Variants in DTD1 observed in about 807,000 individuals in gnomAD.
DTD1 encodes D-tyrosyl-tRNA deacylase 1 homolog.
A neutral mutation model predicts 25.6 loss-of-function variants in DTD1; 13 were observed. That is an observed-to-expected ratio of 0.51 (90% confidence interval 0.33 to 0.81). DTD1 has a LOEUF of 0.81. Ranked by LOEUF, DTD1 falls within the 30% of genes least tolerant of loss-of-function variation. The pLI is 0.02. For missense variants in DTD1, 193 were observed against 266.4 expected, an observed-to-expected ratio of 0.72 and a Z score of 1.92; for synonymous variants, 110 against 103.6, an observed-to-expected ratio of 1.06 and a Z score of -0.37.
rs146632444 is a variant in DTD1 at position 18,765,015 on chromosome 20, T to C, written c.*1675T>C. 9.2e-5 allele frequency: 14 copies of C among 152,322 alleles called. No individual in the cohort carries two copies. Among genetic ancestry groups the C allele is most frequent in the African/African-American group, 2.2e-4 (9 of 41,584 alleles). 9.4% of individuals were successfully genotyped at this position (152,322 alleles called of 1,614,324 possible). On this transcript the variant is annotated 3_prime_UTR_variant, in exon 6 of 6. Transcript: ENST00000377452. ...GTAGTAAGGGGTAACGAGGATTGCA[T>C]AGAGATACGACCTAAGGATCATGAC...
chr20:18,698,385 T>C (rs1280511766), intron 4 of DTD1: 1 of 152,240 alleles, frequency 6.6e-6, no homozygotes, highest in African/African-American at 2.4e-5. Flanking sequence ...CTCAGTGTTA[T>C]TTCATCTATA....
intron 4 of DTD1, among the ~76,000 whole-genome samples, chr20:18,729,585 G>A (rs2061233551): frequency 6.6e-6 from 1 of 152,210 alleles, no homozygotes; most frequent in Non-Finnish European, 1.5e-5. Flanking sequence ...ATTTTGTGGG[G>A]AAGCAAGTCA....
At chr20:18,613,788 T>A (rs2060697943) in intron 3 of DTD1, among the ~76,000 whole-genome samples, 1 of 152,202 alleles carries the variant, frequency 6.6e-6, no homozygotes, top group Non-Finnish European at 1.5e-5. Flanking sequence ...TGATTTTGTC[T>A]GAGCTGTGTT....
At chr20:18,747,893 C>T (rs1354939830) in intron 5 of DTD1, among the ~76,000 whole-genome samples, 2 of 151,934 alleles carry the variant, frequency 1.3e-5, no homozygotes, top group African/African-American at 2.4e-5. Context: ...GTGATGCGCA[C>T]CTGTAGTCTC....
At chr20:18,599,896 A>C (rs750912468) in intron 3 of DTD1, among the ~76,000 whole-genome samples, 5 of 152,180 alleles carry the variant, frequency 3.3e-5, no homozygotes, top group Non-Finnish European at 7.4e-5. Flanking sequence ...AGTTCTTTTT[A>C]TATTTTGGAT....
intron 4 of DTD1, among the ~76,000 whole-genome samples, chr20:18,679,557 A>C (rs977546614): frequency 2.6e-5 from 4 of 152,206 alleles, no homozygotes; most frequent in African/African-American, 9.6e-5. Flanking sequence ...CAGGGGGAAG[A>C]ATAAACTGCT....
intron 3 of DTD1, among the ~76,000 whole-genome samples, chr20:18,618,853 C>T (rs895917842): frequency 6.6e-6 from 1 of 151,956 alleles, no homozygotes; most frequent in Non-Finnish European, 1.5e-5. Flanking sequence ...GCTGGGATTA[C>T]AGGCACCTGC....
chr20:18,758,877 G>T (rs2061349821), intron 5 of DTD1, among the ~76,000 whole-genome samples: 3 of 151,996 alleles, frequency 2.0e-5, no homozygotes, highest in Admixed American at 2.0e-4. Context: ...GGGTGTTAAA[G>T]TCTCCCATTA....
chr20:18,649,499 T>A (rs1160981369), intron 4 of DTD1, among the ~76,000 whole-genome samples: 1 of 151,790 alleles, frequency 6.6e-6, no homozygotes, highest in African/African-American at 2.4e-5. Flanking sequence ...CCACCAAGCC[T>A]GGCTAAGTTT....
intron 4 of DTD1, among the ~76,000 whole-genome samples, chr20:18,704,937 TTCCA>T (rs1441441932): frequency 3.3e-5 from 5 of 152,206 alleles, no homozygotes; most frequent in Non-Finnish European, 7.3e-5. Flanking sequence ...CTAAATAAGC[TTCCA>T]TCTCAGAGCA....
intron 3 of DTD1, among the ~76,000 whole-genome samples, chr20:18,615,812 A>T (rs2060706806): frequency 6.6e-6 from 1 of 152,190 alleles, no homozygotes; most frequent in Non-Finnish European, 1.5e-5. Context: ...GCAGCAGTTT[A>T]TGACCGCTTC....
chr20:18,628,229 A>G lies in DTD1; in HGVS notation c.473A>G (p.Lys158Arg). 1 of 1,612,984 alleles carries G rather than the reference A, an allele frequency of 6.2e-7. No homozygotes were observed. Among genetic ancestry groups the G allele is most frequent in the African/African-American group, 1.3e-5 (1 of 75,038 alleles). ...PAPGTATSDP[K>R]QLSKLEKQQQ... ...CCCGGCACTGCTACCTCTGACCCAA[A>G]GCAGGTAAGCCTGGAGTCTGGTGCC... The change falls in exon 4 of 6, where the codon AAG becomes AGG. Residue 158 changes from lysine to arginine, a missense_variant. By Grantham distance (26) the Lys-to-Arg change is conservative. Coordinates refer to ENST00000377452, the MANE Select transcript of DTD1 (RefSeq NM_080820.6).
intron 3 of DTD1, among the ~76,000 whole-genome samples, chr20:18,621,436 G>T (rs2060733576): frequency 6.6e-6 from 1 of 152,110 alleles, no homozygotes; most frequent in African/African-American, 2.4e-5. Flanking sequence ...GTTTTGTGTG[G>T]AGATAATTTG....
At chr20:18,723,758 A>G (rs1286404934) in intron 4 of DTD1, among the ~76,000 whole-genome samples, 2 of 152,260 alleles carry the variant, frequency 1.3e-5, no homozygotes, top group Non-Finnish European at 2.9e-5. Flanking sequence ...AAAGGATTTT[A>G]ACCTATTGCT....
At chr20:18,664,046 A>G (rs2060921926) in intron 4 of DTD1, among the ~76,000 whole-genome samples, 1 of 152,236 alleles carries the variant, frequency 6.6e-6, no homozygotes, top group African/African-American at 2.4e-5. Context: ...GCAATAGGCT[A>G]CACCACATAG....
intron 4 of DTD1, among the ~76,000 whole-genome samples, chr20:18,685,975 G>C (rs2061015131): frequency 6.6e-6 from 1 of 152,166 alleles, no homozygotes; most frequent in Non-Finnish European, 1.5e-5. Flanking sequence ...TCGTAAAGTG[G>C]GAGCCTGTAG....
intron 4 of DTD1, among the ~76,000 whole-genome samples, chr20:18,743,430 A>G (rs1478293478): frequency 6.6e-6 from 1 of 152,204 alleles, no homozygotes. Flanking sequence ...ATGGTGGCTC[A>G]CACCTGTAAT....
intron 3 of DTD1, among the ~76,000 whole-genome samples, chr20:18,623,903 TG>T (rs1568649916): frequency 2.0e-4 from 31 of 151,710 alleles, no homozygotes; most frequent in South Asian, 8.3e-4. Context: ...TGTGTGTGTG[TG>T]TGTAGAGACA....
At chr20:18,695,859 T>C (rs986468760) in intron 4 of DTD1, among the ~76,000 whole-genome samples, 7 of 151,766 alleles carry the variant, frequency 4.6e-5, no homozygotes, top group Non-Finnish European at 7.4e-5. Flanking sequence ...TTTATTTTTG[T>C]AGAGATGGGG....
Sources: gnomAD v4.1 joint callset for allele counts (sites outside exome capture counted in the v4.1 genomes callset) on GRCh38, gnomAD v4.1.1 for gene constraint, MANE v1.5 for transcripts, NCBI Gene and HGNC (gene_info 2026-07-23, HGNC 2026-07-21) for gene names.